The following POLR3A variants were observed in gnomAD, a reference collection of about 807,000 sequenced individuals.
POLR3A encodes the protein DNA-directed RNA polymerase III subunit RPC1.
Under a neutral mutation model 152.8 loss-of-function variants are expected in POLR3A, and 112 were observed. The ratio of observed to expected loss-of-function variants is 0.73; its 90% CI spans 0.63 to 0.86. POLR3A has a LOEUF of 0.86. POLR3A is among the 40% of genes least tolerant of loss of function. The probability of loss-of-function intolerance (pLI) is 0.00; values close to 1 mark genes in which losing one functional copy is unlikely to be tolerated. For synonymous variants in POLR3A, 615 were observed against 652.1 expected, an observed-to-expected ratio of 0.94 and a Z score of 0.87; for missense variants, 1,385 against 1,743.1, an observed-to-expected ratio of 0.79 and a Z score of 3.66.
At chr10:78,015,326 A>C (rs1847512525) in intron 10 of POLR3A, among the ~76,000 whole-genome samples, 1 of 151,980 alleles carries the variant, frequency 6.6e-6, no homozygotes, top group South Asian at 2.1e-4. Flanking sequence ...TACATTTGAA[A>C]ATTTTCTTTT....
Position 78,024,627 on chromosome 10 carries a change from A to C in POLR3A, c.567T>G (p.Ile189Met). ...CAAAAGACTGAAGGAAATTTGATAC[A>C]ATGGGATCCACCACTTTTTTGTTGG... The part of the protein sequence containing the change: ...YKTNKKVVDP[I>M]VSNFLQSFET... The change falls in exon 5 of 31, where the codon ATT becomes ATG. Residue 189 changes from isoleucine (I) to methionine (M), a missense_variant. By Grantham distance (10) the Ile-to-Met change is conservative (BLOSUM62 1). Coordinates refer to ENST00000372371, the MANE Select transcript of POLR3A (RefSeq NM_007055.4). 1 of 1,614,012 alleles carries C rather than the reference A, an allele frequency of 6.2e-7. No homozygotes were observed. Among genetic ancestry groups the C allele is most frequent in the Non-Finnish European group, 8.5e-7 (1 of 1,179,868 alleles).
Position 77,986,840 on chromosome 10 carries a change from G to A in POLR3A, c.2902-681C>T, listed in dbSNP as rs145119946. Among the ~76,000 whole-genome samples the A allele has an allele frequency of 6.9e-3, 1,045 of 152,280 alleles. 8 individuals are homozygous for A. The highest frequency in any genetic ancestry group is 0.024 in the African/African-American group (1,000 of 41,542). ...ATGCTGCGATTCCCACTGTATTTAAGAACAGCACTCTCAGCCCCGGGAGGA... is the reference window on the plus strand; with the variant it reads ...ATGCTGCGATTCCCACTGTATTTAAAAACAGCACTCTCAGCCCCGGGAGGA... On this transcript the variant is annotated intron_variant, in intron 21 of 30. Transcript: ENST00000372371.
At chr10:78,007,955 C>T in intron 14 of POLR3A, 89 bp from the exon 15 acceptor site, 1 of 1,060,146 alleles carries the variant, frequency 9.4e-7, no homozygotes, top group Non-Finnish European at 1.4e-6. Context: ...AAAATATGTT[C>T]CCATACTGAC....
At chr10:77,987,920 G>A (rs1038116157) in intron 21 of POLR3A, among the ~76,000 whole-genome samples, 8 of 152,240 alleles carry the variant, frequency 5.3e-5, no homozygotes, top group African/African-American at 1.7e-4. Flanking sequence ...TGAGGTCAGC[G>A]CTTGGCCAAG....
chr10:78,017,135 A>G (rs1458810944), intron 10 of POLR3A, among the ~76,000 whole-genome samples: 4 of 152,044 alleles, frequency 2.6e-5, no homozygotes, highest in Non-Finnish European at 2.9e-5. Flanking sequence ...AATAGTTATG[A>G]AAGGTTGGGC....
chr10:78,004,816 A>C lies in POLR3A; in HGVS notation c.2147T>G (p.Leu716Trp). The stretch of plus-strand genomic sequence containing the variant: ...ACATTTCTTGTAGCCGGCATTCAGC[A>C]ACTCATACTTGGCCTTCAGCAGTCC... ...GQGLLKAKYE[L>W]LNAGYKKCDE... Residue 716 changes from leucine (L) to tryptophan (W), a missense_variant, in exon 16 of 31, where the codon TTG becomes TGG. This residue lies in a region of POLR3A where 170 missense variants were observed against 231.2 expected (regional missense o/e 0.74). Transcript: ENST00000372371. The C allele has an allele frequency of 6.2e-7, 1 of 1,614,094 alleles. No individual in the cohort carries two copies. Among genetic ancestry groups the C allele is most frequent in the Non-Finnish European group, 8.5e-7 (1 of 1,179,954 alleles).
chr10:77,993,395 C>G (rs893184610), intron 19 of POLR3A, 28 bp from the exon 20 acceptor site: 12 of 1,595,532 alleles, frequency 7.5e-6, no homozygotes, highest in Non-Finnish European at 9.5e-6. Context: ...AAAAGCTCAG[C>G]TGCTTTGAGA....
intron 3 of POLR3A, 61 bp from the exon 4 acceptor site, chr10:78,025,203 T>C: frequency 6.3e-7 from 1 of 1,579,640 alleles, no homozygotes; most frequent in Non-Finnish European, 8.7e-7. Context: ...TATTTTCTTT[T>C]AAAAATGCCA....
intron 17 of POLR3A, 97 bp from the exon 18 acceptor site, chr10:78,001,191 T>G (rs1269941275): frequency 2.9e-6 from 2 of 695,688 alleles, no homozygotes; most frequent in Non-Finnish European, 5.3e-6. Flanking sequence ...TAGGCCCTTA[T>G]GCTCAATGAG....
intron 30 of POLR3A, among the ~76,000 whole-genome samples, chr10:77,978,422 G>A (rs1056976169): frequency 6.6e-6 from 1 of 152,172 alleles, no homozygotes; most frequent in Admixed American, 6.5e-5. Context: ...TCAAATTGGG[G>A]GTGGGGTGGC....
chr10:78,002,218 T>C lies in POLR3A; in HGVS notation c.2338A>G (p.Met780Val), dbSNP rs1425276093. Residue 780 changes from methionine to valine, a missense_variant, in exon 17 of 31, where the codon ATG becomes GTG. Physicochemically the swap from Met to Val is conservative, Grantham distance 21. This residue lies in a region of POLR3A where 170 missense variants were observed against 231.2 expected (regional missense o/e 0.74). Transcript: ENST00000372371. The part of the protein sequence containing the change: ...ELDKSNSPLT[M>V]ALCGSKGSFI... ...AGACCTTTGGAGCCGCACAGAGCCA[T>C]GGTGAGGGGGCTGTTGCTCTTGTCC... 2 of 1,593,724 alleles carry C rather than the reference T, an allele frequency of 1.3e-6. No individual in the cohort carries two copies. The highest frequency in any genetic ancestry group is 1.7e-6 in the Non-Finnish European group (2 of 1,170,670).
At chr10:77,984,985 G>A (rs1033085162) in intron 24 of POLR3A, among the ~76,000 whole-genome samples, 185 bp downstream of exon 24, 2 of 152,184 alleles carry the variant, frequency 1.3e-5, no homozygotes, top group African/African-American at 4.8e-5. Flanking sequence ...ACTGTATCCA[G>A]TTTAGACTTT....
chr10:78,006,639 TA>T (rs1489689942), intron 15 of POLR3A, among the ~76,000 whole-genome samples: 1 of 151,292 alleles, frequency 6.6e-6, no homozygotes, highest in Non-Finnish European at 1.5e-5. Flanking sequence ...ACAGAGAAAG[TA>T]AAAGAGAGAA....
In POLR3A at chr10:77,977,480, A is replaced by G; in HGVS notation, c.4171T>C (p.Ter1391GlnextTer9). The stretch of plus-strand genomic sequence containing the variant: ...GCATGGTCCCCTCTTTCTTTGGACT[A>G]TGTGACAAGGGGGATGTGGAATTCA... ...TNEFHIPLVT[*>Q] The change falls in exon 31 of 31, where the codon TAG (stop) becomes CAG (glutamine). Residue 1391 changes from the stop codon to glutamine, a stop_lost. Coordinates refer to ENST00000372371, the MANE Select transcript of POLR3A (RefSeq NM_007055.4). 6.2e-7 allele frequency: 1 copy of G among 1,614,024 alleles called. No individual in the cohort carries two copies. Among genetic ancestry groups the G allele is most frequent in the South Asian group, 1.1e-5 (1 of 91,080 alleles).
At chr10:78,000,640 G>T (rs1337662179) in intron 18 of POLR3A, among the ~76,000 whole-genome samples, 1 of 152,124 alleles carries the variant, frequency 6.6e-6, no homozygotes, top group Non-Finnish European at 1.5e-5. Flanking sequence ...GCCTTACATG[G>T]GTAAATTATA....
rs368491492 is a variant in POLR3A at position 78,008,009 on chromosome 10, T to G, written c.1910-143A>C. ...AGAAATTCTCCTCAAAGCTTTTTTTTGGGGGGAGGGAGGGGGGGTTAAAGG... is the reference window on the plus strand; with the variant it reads ...AGAAATTCTCCTCAAAGCTTTTTTTGGGGGGGAGGGAGGGGGGGTTAAAGG... On this transcript the variant is annotated intron_variant, in intron 14 of 30. Coordinates refer to ENST00000372371, the MANE Select transcript of POLR3A (RefSeq NM_007055.4). The G allele has an allele frequency of 9.9e-3, 610 of 61,410 alleles. 5 individuals are homozygous for G. Among genetic ancestry groups the G allele is most frequent in the African/African-American group, 0.046 (498 of 10,770 alleles). 3.8% of individuals were successfully genotyped at this position (61,410 alleles called of 1,614,324 possible).
At chr10:78,000,217 T>C in intron 18 of POLR3A, 99 bp from the exon 19 acceptor site, 3 of 995,686 alleles carry the variant, frequency 3.0e-6, no homozygotes, top group South Asian at 2.7e-5. Flanking sequence ...CTTGAGACTA[T>C]AAATACCTGG....
chr10:78,022,809 G>GA (rs562203430), intron 5 of POLR3A, among the ~76,000 whole-genome samples: 7 of 151,978 alleles, frequency 4.6e-5, no homozygotes, highest in African/African-American at 1.7e-4. Context: ...CCATTGGGGG[G>GA]AAAAAAAGAT....
chr10:78,020,842 T>C (rs959110860), intron 8 of POLR3A, among the ~76,000 whole-genome samples: 2 of 152,172 alleles, frequency 1.3e-5, no homozygotes, highest in Non-Finnish European at 2.9e-5. Context: ...AGCCTTAAAA[T>C]GTTCAAATGC....
Sources: gnomAD v4.1 joint callset for allele counts (sites outside exome capture counted in the v4.1 genomes callset) on GRCh38, gnomAD v4.1.1 for gene constraint, gnomAD v4.1.1 regional missense constraint, MANE v1.5 for transcripts, NCBI Gene and HGNC (gene_info 2026-07-23, HGNC 2026-07-21) for gene names.